Variants in RFX3 observed in about 807,000 individuals in gnomAD.
RFX3 encodes regulatory factor X3, also known as transcription factor RFX3.
RFX3 carries 14 observed loss-of-function variants against 98.6 expected under a neutral mutation model. The ratio of observed to expected loss-of-function variants is 0.14; its 90% CI spans 0.09 to 0.22. The LOEUF is 0.22. Among genes scored for constraint, RFX3 ranks in the 10% least tolerant of loss-of-function variants. The pLI is 1.00. For synonymous variants in RFX3, 383 were observed against 328.4 expected (o/e 1.17, Z -1.80); for missense variants, 639 against 926.9 (o/e 0.69, Z 4.03).
Position 3,371,477 on chromosome 9 carries a change from T to C in RFX3, c.117+23995A>G, listed in dbSNP as rs78722398. ...GATATGCTATGACTTTGGGGATAAT[T>C]TCAGTGATCTGTATAACTAAAATCA... On this transcript the variant is annotated intron_variant, in intron 2 of 16. Transcript: ENST00000617270. Among the ~76,000 whole-genome samples the C allele has an allele frequency of 5.9e-3, 904 of 152,250 alleles. 15 individuals are homozygous for C. The highest frequency in any genetic ancestry group is 0.021 in the African/African-American group (867 of 41,562).
chr9:3,227,841 T>C (rs2130624569), intron 16 of RFX3, among the ~76,000 whole-genome samples: 1 of 152,336 alleles, frequency 6.6e-6, no homozygotes, highest in African/African-American at 2.4e-5. Flanking sequence ...AATTTTCTCA[T>C]TTCCCTGCGC....
At chr9:3,252,470 T>C (rs1821546409) in intron 14 of RFX3, among the ~76,000 whole-genome samples, 1 of 152,116 alleles carries the variant, frequency 6.6e-6, no homozygotes, top group African/African-American at 2.4e-5. Context: ...GGAGGTGATA[T>C]CTGAGCAGAA....
chr9:3,501,636 A>G (rs900087437), intron 1 of RFX3, among the ~76,000 whole-genome samples: 8 of 148,262 alleles, frequency 5.4e-5, no homozygotes, highest in Non-Finnish European at 1.2e-4. Flanking sequence ...AGCTCACTGC[A>G]ACCTCTATCT....
chr9:3,354,475 G>A (rs913119003), intron 2 of RFX3, among the ~76,000 whole-genome samples: 1 of 151,578 alleles, frequency 6.6e-6, no homozygotes, highest in Non-Finnish European at 1.5e-5. Flanking sequence ...AAATTAAGCA[G>A]ACAAAAAAAG....
intron 1 of RFX3, among the ~76,000 whole-genome samples, chr9:3,484,443 C>G (rs1028050088): frequency 1.3e-5 from 2 of 152,110 alleles, no homozygotes; most frequent in African/African-American, 4.8e-5. Context: ...GAGGAGTGGT[C>G]AGAGGGACCT....
chr9:3,504,515 C>T (rs199511312), intron 1 of RFX3, among the ~76,000 whole-genome samples: 3,151 of 71,588 alleles, frequency 0.044, 283 homozygotes, highest in African/African-American at 0.11. Flanking sequence ...GTATATATTG[C>T]ATATAAAATA....
intron 1 of RFX3, among the ~76,000 whole-genome samples, chr9:3,423,700 T>G (rs920791748): frequency 6.7e-6 from 1 of 149,230 alleles, no homozygotes; most frequent in Non-Finnish European, 1.5e-5. Context: ...ATGGTGGTGG[T>G]TACATAGATA....
At chr9:3,377,552 C>T (rs945195518) in intron 2 of RFX3, among the ~76,000 whole-genome samples, 8 of 152,056 alleles carry the variant, frequency 5.3e-5, no homozygotes, top group African/African-American at 1.9e-4. Flanking sequence ...CAAAACTGCA[C>T]GCCGTGCACA....
At chr9:3,514,099 AATC>A (rs1314693779) in intron 1 of RFX3, among the ~76,000 whole-genome samples, 2 of 152,200 alleles carry the variant, frequency 1.3e-5, no homozygotes, top group Non-Finnish European at 2.9e-5. Flanking sequence ...AGCCTCTAAA[AATC>A]ATCATACAAT....
At chr9:3,506,842 G>A (rs1817149060) in intron 1 of RFX3, among the ~76,000 whole-genome samples, 2 of 151,710 alleles carry the variant, frequency 1.3e-5, no homozygotes, top group Non-Finnish European at 2.9e-5. Context: ...AGAAATTCAT[G>A]AATTCATGCC....
intron 2 of RFX3, among the ~76,000 whole-genome samples, chr9:3,372,361 T>C (rs542457811): frequency 1.8e-4 from 27 of 152,278 alleles, no homozygotes; most frequent in African/African-American, 6.3e-4. Context: ...AAAAACTGTA[T>C]TGGATAAAGC....
intron 1 of RFX3, among the ~76,000 whole-genome samples, chr9:3,453,061 T>G (rs116870557): frequency 6.6e-6 from 1 of 152,136 alleles, no homozygotes; most frequent in African/African-American, 2.4e-5. Context: ...AAAACTGGAA[T>G]AACAGTACGC....
chr9:3,282,245 C>A (rs143260080), intron 7 of RFX3, among the ~76,000 whole-genome samples: 1 of 151,750 alleles, frequency 6.6e-6, no homozygotes, highest in South Asian at 2.1e-4. Context: ...AAGAGTTCCA[C>A]TCTTTTAGAA....
At chr9:3,407,459 C>T (rs1842068884) in intron 1 of RFX3, among the ~76,000 whole-genome samples, 1 of 151,834 alleles carries the variant, frequency 6.6e-6, no homozygotes, top group African/African-American at 2.4e-5. Context: ...TAAATAATTC[C>T]ATCAGCACCA....
intron 11 of RFX3, among the ~76,000 whole-genome samples, chr9:3,267,403 G>A (rs1823788149): frequency 6.6e-6 from 1 of 151,862 alleles, no homozygotes; most frequent in African/African-American, 2.4e-5. Context: ...TTTTCTTTCT[G>A]TGCTCAAATG....
At chr9:3,306,428 T>C (rs1260225688) in intron 4 of RFX3, among the ~76,000 whole-genome samples, 1 of 151,882 alleles carries the variant, frequency 6.6e-6, no homozygotes, top group African/African-American at 2.4e-5. Context: ...GTTTCATAAA[T>C]ATGTAAGTGA....
chr9:3,457,977 T>C (rs1238121688), intron 1 of RFX3, among the ~76,000 whole-genome samples: 1 of 152,206 alleles, frequency 6.6e-6, no homozygotes, highest in Non-Finnish European at 1.5e-5. Flanking sequence ...AGCTCAAGCA[T>C]GAAATAGCTG....
chr9:3,395,470 A>G lies in RFX3; in HGVS notation c.117+2T>C. 1 of 1,613,824 alleles carries G rather than the reference A, an allele frequency of 6.2e-7. No homozygotes were observed. Among genetic ancestry groups the G allele is most frequent in the Non-Finnish European group, 8.5e-7 (1 of 1,179,742 alleles). ...TCTTTTCTAAGAGCAGCAGCTCCTT[A>G]CCTGTTGTTGTACTGGTACTTGCTG... On this transcript the variant is annotated splice_donor_variant, in intron 2 of 16. Transcript: ENST00000617270. LOFTEE classifies it high-confidence loss of function.
intron 1 of RFX3, among the ~76,000 whole-genome samples, chr9:3,465,692 G>A (rs1248904774): frequency 6.6e-6 from 1 of 151,862 alleles, no homozygotes; most frequent in Non-Finnish European, 1.5e-5. Flanking sequence ...CTATTATACA[G>A]GAGTTTACAG....
Sources: gnomAD v4.1 joint callset for allele counts (sites outside exome capture counted in the v4.1 genomes callset) on GRCh38, gnomAD v4.1.1 for gene constraint, MANE v1.5 for transcripts, NCBI Gene and HGNC (gene_info 2026-07-23, HGNC 2026-07-21) for gene names.